SLC35F2: variants seen among roughly 807,000 people sequenced by gnomAD.
SLC35F2 encodes the protein solute carrier family 35 member F2.
A neutral mutation model predicts 38.1 loss-of-function variants in SLC35F2; 25 were observed. The ratio of observed to expected loss-of-function variants is 0.66; its 90% CI spans 0.48 to 0.92. The LOEUF (loss-of-function observed/expected upper bound fraction) is 0.92. Among genes scored for constraint, SLC35F2 ranks in the 40% least tolerant of loss-of-function variants. The pLI is 0.00. For synonymous variants in SLC35F2, 173 were observed against 181.7 expected, an observed-to-expected ratio of 0.95 and a Z score of 0.38; for missense variants, 409 against 452.9, an observed-to-expected ratio of 0.90 and a Z score of 0.88.
At chr11:107,823,867 T>C (rs925424599) in intron 1 of SLC35F2, 4 of 428,472 alleles carry the variant, frequency 9.3e-6, no homozygotes, top group Non-Finnish European at 1.2e-5. Flanking sequence ...AAGCGGAGTT[T>C]GCAGTGAGCC....
chr11:107,792,147 A>T lies in SLC35F2; in HGVS notation c.*468T>A, dbSNP rs1350921363. 1.9e-4 allele frequency: 28 copies of T among 145,052 alleles called. No individual in the cohort carries two copies. The highest frequency in any genetic ancestry group is 3.8e-3 in the Middle Eastern group (1 of 266). 9.0% of individuals were successfully genotyped at this position (145,052 alleles called of 1,614,324 possible). On this transcript the variant is annotated 3_prime_UTR_variant, in exon 8 of 8. Coordinates refer to ENST00000525815, the MANE Select transcript of SLC35F2 (RefSeq NM_017515.5). ...CATCTGTACCCAAAGGCCTGTGGAC[A>T]ATAACTGCCTCAGCAAAAAAAAAAA...
chr11:107,803,630 T>C (rs1565428714), intron 6 of SLC35F2: 9 of 435,400 alleles, frequency 2.1e-5, no homozygotes, highest in Non-Finnish European at 2.7e-5. Context: ...ATTAGGTCCA[T>C]TGTATTTTGT....
chr11:107,810,337 A>G, intron 3 of SLC35F2: 1 of 985,158 alleles, frequency 1.0e-6, no homozygotes, highest in Non-Finnish European at 1.2e-6. Flanking sequence ...CAACTATCCA[A>G]CTGTAAGTGT....
chr11:107,839,992 G>A (rs1859990548), intron 1 of SLC35F2, among the ~76,000 whole-genome samples: 1 of 152,096 alleles, frequency 6.6e-6, no homozygotes, highest in Admixed American at 6.6e-5. Context: ...TTTGGATATG[G>A]GTCAGAGGAA....
At chr11:107,830,984 G>A (rs1337460327) in intron 1 of SLC35F2, among the ~76,000 whole-genome samples, 2 of 152,140 alleles carry the variant, frequency 1.3e-5, no homozygotes, top group Non-Finnish European at 2.9e-5. Context: ...GTCTCACACT[G>A]TATTCTACTT....
intron 1 of SLC35F2, among the ~76,000 whole-genome samples, chr11:107,837,730 A>C (rs1859953778): frequency 6.6e-6 from 1 of 151,976 alleles, no homozygotes; most frequent in Non-Finnish European, 1.5e-5. Flanking sequence ...TTGTGGGAAT[A>C]AAGATAGTAA....
chr11:107,806,662 G>A (rs1257411899), intron 4 of SLC35F2, 55 bp downstream of exon 4: 1 of 1,505,346 alleles, frequency 6.6e-7, no homozygotes, highest in Non-Finnish European at 9.0e-7. Context: ...ATATAAAAGT[G>A]AAAACATAAA....
chr11:107,809,813 A>T, intron 3 of SLC35F2: 1 of 985,306 alleles, frequency 1.0e-6, no homozygotes, highest in Non-Finnish European at 1.2e-6. Context: ...AGAAGAGAAA[A>T]TGAAAATTGA....
At chr11:107,843,868 AATATATATATATATAT>A (rs1178673709) in intron 1 of SLC35F2, among the ~76,000 whole-genome samples, 1,606 of 46,454 alleles carry the variant, frequency 0.035, 47 homozygotes, top group African/African-American at 0.072. Context: ...AAAAAAAAAA[AATATATATATATATAT>A]ATATATATAT....
Position 107,858,773 on chromosome 11 carries a change from C to A in SLC35F2, c.-6G>T. ...GCTGGCGAGTCTGCCTCCATCGGCGCCCTTGCGCGTCTCCGGCGCCCAAAA... is the reference window on the plus strand; with the variant it reads ...GCTGGCGAGTCTGCCTCCATCGGCGACCTTGCGCGTCTCCGGCGCCCAAAA... On this transcript the variant is annotated 5_prime_UTR_variant, in exon 1 of 8. Coordinates refer to ENST00000525815, the MANE Select transcript of SLC35F2 (RefSeq NM_017515.5). 8.0e-7 allele frequency: 1 copy of A among 1,257,808 alleles called. No homozygotes were observed. The highest frequency in any genetic ancestry group is 1.0e-6 in the Non-Finnish European group (1 of 993,282). 77.9% of individuals were successfully genotyped at this position (1,257,808 alleles called of 1,614,324 possible). A position where few individuals can be genotyped will look rare whatever the true frequency, so the allele number is the denominator to read the frequency against.
intron 3 of SLC35F2, 114 bp downstream of exon 3, chr11:107,811,553 G>A (rs1859479836): frequency 3.0e-6 from 3 of 988,808 alleles, no homozygotes; most frequent in Admixed American, 4.9e-5. Context: ...ATCCACCTGT[G>A]TTTAGGTTTT....
chr11:107,797,217 A>G (rs1859232947), intron 7 of SLC35F2, among the ~76,000 whole-genome samples: 1 of 152,218 alleles, frequency 6.6e-6, no homozygotes, highest in South Asian at 2.1e-4. Context: ...ATTCACACCA[A>G]TAAATAGTTT....
chr11:107,853,297 TATC>T, intron 1 of SLC35F2, among the ~76,000 whole-genome samples: 1 of 152,310 alleles, frequency 6.6e-6, no homozygotes, highest in East Asian at 1.9e-4. Flanking sequence ...TTATAGCACT[TATC>T]ATAACTTTTT....
At chr11:107,834,112 CTACT>C (rs1246064051) in intron 1 of SLC35F2, among the ~76,000 whole-genome samples, 1 of 152,132 alleles carries the variant, frequency 6.6e-6, no homozygotes, top group Non-Finnish European at 1.5e-5. Flanking sequence ...TGCTGAGGAT[CTACT>C]TACACAGGTT....
intron 1 of SLC35F2, among the ~76,000 whole-genome samples, chr11:107,841,544 A>T (rs2134843064): frequency 7.7e-6 from 1 of 130,654 alleles, no homozygotes; most frequent in East Asian, 2.3e-4. Context: ...GCCTAGACGA[A>T]AGAGACTCCA....
In SLC35F2 at chr11:107,802,975, T is replaced by G. The variant is rs770922467; in HGVS notation, c.939+26A>C. 1.9e-6 allele frequency: 3 copies of G among 1,577,336 alleles called. No individual in the cohort carries two copies. The Admixed American group carries it at 5.8e-5, about 31-fold the overall frequency. On this transcript the variant is annotated intron_variant, in intron 7 of 7. Coordinates refer to ENST00000525815, the MANE Select transcript of SLC35F2 (RefSeq NM_017515.5). The stretch of plus-strand genomic sequence containing the variant: ...TTTTTTGGATCCAAGCAAGTATTCT[T>G]ATTTGAACGTGATCTATTTGTTTAC...
chr11:107,830,532 C>T lies in SLC35F2; in HGVS notation c.111-14567G>A, dbSNP rs569242478. ...CTGGGAGGCGGAGCTTGCAGTGAGC[C>T]GAGATCACGCCACTGCACTCCAACC... On this transcript the variant is annotated intron_variant, in intron 1 of 7. Coordinates refer to ENST00000525815, the MANE Select transcript of SLC35F2 (RefSeq NM_017515.5). Among the ~76,000 whole-genome samples the T allele has an allele frequency of 2.9e-5, 4 of 140,308 alleles. No individual in the cohort carries two copies. In the South Asian group the frequency reaches 6.7e-4, roughly 23 times the overall value. 92.0% of individuals were successfully genotyped at this position (140,308 alleles called of 152,430 possible). A position where few individuals can be genotyped will look rare whatever the true frequency, so the allele number is the denominator to read the frequency against.
intron 1 of SLC35F2, among the ~76,000 whole-genome samples, chr11:107,858,243 T>A (rs1860327776): frequency 6.6e-6 from 1 of 152,152 alleles, no homozygotes; most frequent in Non-Finnish European, 1.5e-5. Context: ...TCTGGCTGGC[T>A]CGGCAGCAGA....
At chr11:107,857,321 AGGAAGGAAGGAAGGAGAGAGAG>A (rs1860310165) in intron 1 of SLC35F2, among the ~76,000 whole-genome samples, 7 of 139,462 alleles carry the variant, frequency 5.0e-5, no homozygotes, top group Admixed American at 4.4e-4. Flanking sequence ...GAGAGAGGGA[AGGAAGGAAGGAAGGAGAGAGAG>A]GGAAGGAAGG....
Sources: gnomAD v4.1 joint callset for allele counts (sites outside exome capture counted in the v4.1 genomes callset) on GRCh38, gnomAD v4.1.1 for gene constraint, MANE v1.5 for transcripts, NCBI Gene and HGNC (gene_info 2026-07-23, HGNC 2026-07-21) for gene names.